RALA: variants seen among roughly 807,000 people sequenced by gnomAD.
RALA encodes RAS like proto-oncogene A.
Under a neutral mutation model 24.0 loss-of-function variants are expected in RALA, and 5 were observed. The ratio of observed to expected loss-of-function variants is 0.21; its 90% confidence interval spans 0.11 to 0.44. The LOEUF is 0.44. Ranked by LOEUF, RALA falls within the 20% of genes least tolerant of loss-of-function variation. The pLI is 0.99. For missense variants in RALA, 95 were observed against 241.2 expected (o/e 0.39, Z 4.01); for synonymous variants, 77 against 83.8 (o/e 0.92, Z 0.44).
At chr7:39,679,429 T>G (rs1006061017) in intron 1 of RALA, among the ~76,000 whole-genome samples, 1 of 152,168 alleles carries the variant, frequency 6.6e-6, no homozygotes, top group African/African-American at 2.4e-5. Context: ...AGTTATCAGT[T>G]TGGTGGATAA....
At chr7:39,702,983 A>T (rs1793055441) in intron 4 of RALA, 3 of 152,216 alleles carry the variant, frequency 2.0e-5, no homozygotes, top group African/African-American at 7.2e-5. Context: ...CAAATACCTG[A>T]AAGGAGGATA....
chr7:39,636,430 A>G (rs1004985078), intron 1 of RALA, among the ~76,000 whole-genome samples: 1 of 152,110 alleles, frequency 6.6e-6, no homozygotes, highest in African/African-American at 2.4e-5. Flanking sequence ...GTCTTCCTTC[A>G]TCTGCTGGGA....
chr7:39,654,810 G>T (rs1207919437), intron 1 of RALA, among the ~76,000 whole-genome samples: 1 of 152,132 alleles, frequency 6.6e-6, no homozygotes, highest in Non-Finnish European at 1.5e-5. Context: ...GAGTGCAGTG[G>T]TGTGATCATG....
At chr7:39,683,809 A>G (rs1013869436) in intron 1 of RALA, among the ~76,000 whole-genome samples, 3 of 151,504 alleles carry the variant, frequency 2.0e-5, no homozygotes, top group Admixed American at 1.3e-4. Flanking sequence ...GTTTTAACCC[A>G]GTTGTAGTGA....
chr7:39,663,639 A>G lies in RALA; in HGVS notation c.-37-22992A>G, dbSNP rs1464557814. ...GAGTAAGGGACATTGTAAAAAAAAA[A>G]AAAAGAAAAAATATATGAAGCCTTC... On this transcript the variant is annotated intron_variant, in intron 1 of 4. Coordinates refer to ENST00000005257, the MANE Select transcript of RALA (RefSeq NM_005402.4). Among the ~76,000 whole-genome samples the G allele has an allele frequency of 2.6e-5, 4 of 152,222 alleles. No homozygotes were observed. The South Asian group carries it at 6.2e-4, about 24-fold the overall frequency.
chr7:39,645,792 G>A (rs573182560), intron 1 of RALA, among the ~76,000 whole-genome samples: 47 of 152,278 alleles, frequency 3.1e-4, no homozygotes, highest in South Asian at 2.3e-3. Flanking sequence ...AGATGCATCA[G>A]GTTGAGTTTG....
chr7:39,665,435 A>T (rs990517105), intron 1 of RALA, among the ~76,000 whole-genome samples: 1 of 152,152 alleles, frequency 6.6e-6, no homozygotes, highest in African/African-American at 2.4e-5. Flanking sequence ...TCAAATAAGC[A>T]TTTGTAGTTA....
At chr7:39,663,310 TTA>T (rs1246788005) in intron 1 of RALA, among the ~76,000 whole-genome samples, 1 of 152,224 alleles carries the variant, frequency 6.6e-6, no homozygotes, top group African/African-American at 2.4e-5. Context: ...TGTAATAATT[TTA>T]TAACTACCTC....
rs140753296 is a variant in RALA, at chr7:39,658,138, C to A, written c.-37-28493C>A. On this transcript the variant is annotated intron_variant, in intron 1 of 4. Transcript: ENST00000005257. ...GACAGTTGCTAAATGCAGGGCTTGTCTTAAATTAATGTTCTCTGGTGTCTT... is the reference window on the plus strand; with the variant it reads ...GACAGTTGCTAAATGCAGGGCTTGTATTAAATTAATGTTCTCTGGTGTCTT... 2.4e-3 allele frequency among the ~76,000 whole-genome samples: 368 copies of A among 152,314 alleles called. 2 individuals carry two copies. Among genetic ancestry groups the A allele is most frequent in the African/African-American group, 8.6e-3 (358 of 41,568 alleles).
chr7:39,691,493 G>A (rs557646275), intron 3 of RALA, among the ~76,000 whole-genome samples: 51 of 152,308 alleles, frequency 3.3e-4, no homozygotes, highest in Non-Finnish European at 5.3e-4. Context: ...TTAGTGCAGA[G>A]GATCCGGGAG....
intron 4 of RALA, among the ~76,000 whole-genome samples, chr7:39,698,939 A>C (rs2116105119): frequency 6.6e-6 from 1 of 152,242 alleles, no homozygotes; most frequent in Non-Finnish European, 1.5e-5. Context: ...TACAACTTTA[A>C]AATATAGTGG....
intron 3 of RALA, among the ~76,000 whole-genome samples, chr7:39,696,059 A>C (rs1348596988): frequency 1.3e-5 from 2 of 152,186 alleles, no homozygotes; most frequent in Non-Finnish European, 2.9e-5. Context: ...AGTACTTTGC[A>C]CTTTGCTCAG....
intron 2 of RALA, among the ~76,000 whole-genome samples, chr7:39,690,170 A>G (rs902666648): frequency 1.3e-5 from 2 of 152,222 alleles, no homozygotes; most frequent in Non-Finnish European, 2.9e-5. Context: ...GCCTAGAGGT[A>G]ATAACTCAGC....
chr7:39,687,321 G>A (rs1296147552), intron 2 of RALA, among the ~76,000 whole-genome samples: 1 of 151,982 alleles, frequency 6.6e-6, no homozygotes. Flanking sequence ...CAGCTACTCG[G>A]GAGGCTGAGG....
intron 2 of RALA, among the ~76,000 whole-genome samples, chr7:39,688,603 A>G (rs1334167666): frequency 1.4e-5 from 2 of 144,618 alleles, no homozygotes; most frequent in Non-Finnish European, 3.0e-5. Context: ...TTTTTTAAAG[A>G]TAACGTCTTG....
intron 1 of RALA, among the ~76,000 whole-genome samples, chr7:39,648,825 C>T (rs1388057334): frequency 1.3e-5 from 2 of 151,980 alleles, no homozygotes; most frequent in Non-Finnish European, 2.9e-5. Flanking sequence ...TTTGGGAGGT[C>T]GAGGCAAGCG....
intron 1 of RALA, among the ~76,000 whole-genome samples, chr7:39,680,234 T>C (rs1207346984): frequency 6.6e-6 from 1 of 151,806 alleles, no homozygotes; most frequent in Non-Finnish European, 1.5e-5. Flanking sequence ...CCAGGTGTGG[T>C]GGCATGCACC....
At chr7:39,653,884 G>GT (rs1189718579) in intron 1 of RALA, among the ~76,000 whole-genome samples, 1 of 152,118 alleles carries the variant, frequency 6.6e-6, no homozygotes, top group Non-Finnish European at 1.5e-5. Context: ...AGAGTTTAGG[G>GT]TTTTTTTCCA....
intron 1 of RALA, among the ~76,000 whole-genome samples, chr7:39,649,051 C>A (rs1217386123): frequency 6.6e-6 from 1 of 152,058 alleles, no homozygotes; most frequent in East Asian, 1.9e-4. Flanking sequence ...CAGAGCGAGA[C>A]CCTGTCTCAA....
Sources: gnomAD v4.1 joint callset for allele counts (sites outside exome capture counted in the v4.1 genomes callset) on GRCh38, gnomAD v4.1.1 for gene constraint, MANE v1.5 for transcripts, NCBI Gene and HGNC (gene_info 2026-07-23, HGNC 2026-07-21) for gene names.